The following AGO3 variants were observed in gnomAD, a reference collection of about 807,000 sequenced individuals.
AGO3 encodes the protein argonaute RISC catalytic component 3, also known as protein argonaute-3.
In AGO3, 16 loss-of-function variants were observed where a neutral mutation model predicts 105.5. That is an observed-to-expected ratio of 0.15 (90% CI 0.10 to 0.23). The LOEUF (loss-of-function observed/expected upper bound fraction) is 0.23. AGO3 is among the 10% of genes least tolerant of loss of function. AGO3 has a pLI of 1.00. For synonymous variants in AGO3, 340 were observed against 367.3 expected, an observed-to-expected ratio of 0.93 and a Z score of 0.85; for missense variants, 534 against 1,088.0, an observed-to-expected ratio of 0.49 and a Z score of 7.16.
chr1:35,993,795 T>C (rs1019563836), intron 5 of AGO3, among the ~76,000 whole-genome samples: 5 of 133,020 alleles, frequency 3.8e-5, no homozygotes, highest in Non-Finnish European at 3.1e-5. Flanking sequence ...TCGCCCAGGC[T>C]GGAGTGCAAT....
chr1:36,013,818 T>C, intron 10 of AGO3, 66 bp downstream of exon 10: 1 of 1,601,612 alleles, frequency 6.2e-7, no homozygotes, highest in Non-Finnish European at 8.5e-7. Flanking sequence ...GAAAGGCATA[T>C]CAGAAATATT....
At chr1:36,021,454 T>C (rs1248707985) in intron 11 of AGO3, among the ~76,000 whole-genome samples, 1 of 152,108 alleles carries the variant, frequency 6.6e-6, no homozygotes, top group East Asian at 1.9e-4. Context: ...TTCATAATCT[T>C]ATACAATTTT....
intron 2 of AGO3, among the ~76,000 whole-genome samples, chr1:35,952,504 A>T (rs546759260): frequency 6.6e-5 from 10 of 152,292 alleles, no homozygotes; most frequent in African/African-American, 2.4e-4. Flanking sequence ...TTCTTTTTGC[A>T]TAATGATTTC....
At chr1:35,934,795 C>T (rs758269539) in intron 1 of AGO3, among the ~76,000 whole-genome samples, 19 of 152,012 alleles carry the variant, frequency 1.2e-4, no homozygotes, top group Non-Finnish European at 2.1e-4. Flanking sequence ...GGATTACAGG[C>T]GCGCACCACC....
At chr1:35,995,207 A>AT (rs1224450213) in intron 5 of AGO3, among the ~76,000 whole-genome samples, 103 of 106,436 alleles carry the variant, frequency 9.7e-4, no homozygotes, top group Admixed American at 1.6e-3. Context: ...TCTAAAAAAA[A>AT]AAATATATAT....
At chr1:36,022,729 C>A (rs1200418273) in intron 11 of AGO3, among the ~76,000 whole-genome samples, 1 of 151,876 alleles carries the variant, frequency 6.6e-6, no homozygotes, top group Non-Finnish European at 1.5e-5. Context: ...GTCAGGAGTT[C>A]GAGACCAGCC....
chr1:35,959,535 A>C (rs1646636109), intron 2 of AGO3, among the ~76,000 whole-genome samples: 1 of 152,168 alleles, frequency 6.6e-6, no homozygotes, highest in African/African-American at 2.4e-5. Context: ...TACTTTCCCA[A>C]GCACTGTTTT....
At chr1:35,977,273 AG>A (rs1436521348) in intron 5 of AGO3, among the ~76,000 whole-genome samples, 8 of 150,360 alleles carry the variant, frequency 5.3e-5, no homozygotes, top group Non-Finnish European at 7.4e-5. Context: ...TAAAAAAAAA[AG>A]TCTGTTCAGG....
chr1:36,030,598 A>G (rs1226281815), intron 12 of AGO3, among the ~76,000 whole-genome samples: 1 of 152,120 alleles, frequency 6.6e-6, no homozygotes, highest in Admixed American at 6.6e-5. Context: ...ATATTATAAT[A>G]CCTAGTGCTT....
intron 17 of AGO3, among the ~76,000 whole-genome samples, chr1:36,047,353 T>C (rs1363012992): frequency 6.8e-6 from 1 of 146,162 alleles, no homozygotes; most frequent in Non-Finnish European, 1.5e-5. Flanking sequence ...CAATGGAAAA[T>C]ACAAAATATA....
At chr1:35,962,579 GT>G (rs1421350428) in intron 2 of AGO3, among the ~76,000 whole-genome samples, 2 of 151,160 alleles carry the variant, frequency 1.3e-5, no homozygotes, top group Non-Finnish European at 2.9e-5. Flanking sequence ...AAAACATCTT[GT>G]ACTGGCACAA....
chr1:36,010,917 AAG>A (rs1181265369), intron 9 of AGO3, among the ~76,000 whole-genome samples: 28 of 150,314 alleles, frequency 1.9e-4, no homozygotes, highest in African/African-American at 5.1e-4. Context: ...AAAAAAAAAA[AAG>A]AGAGAGAGAG....
intron 2 of AGO3, among the ~76,000 whole-genome samples, chr1:35,958,110 T>C (rs1024136912): frequency 2.0e-5 from 3 of 148,332 alleles, no homozygotes; most frequent in Non-Finnish European, 3.0e-5. Context: ...TGGCCAGGCG[T>C]GGTGGCTCAC....
rs182350523 is a variant in AGO3 at position 36,051,784 on chromosome 1, G to A, written c.2275-3162G>A. ...TAATAATAATTTGATTTTAAAATAG[G>A]CAAATGTCTCAAGAGAGTAATTGAG... On this transcript the variant is annotated intron_variant, in intron 17 of 18. Coordinates refer to ENST00000373191, the MANE Select transcript of AGO3 (RefSeq NM_024852.4). Among the ~76,000 whole-genome samples, 5 of 152,170 alleles carry A rather than the reference G, an allele frequency of 3.3e-5. No homozygotes were observed. In the East Asian group the frequency reaches 9.6e-4, roughly 29 times the overall value.
intron 6 of AGO3, among the ~76,000 whole-genome samples, chr1:36,007,042 C>T (rs1640368136): frequency 6.6e-6 from 1 of 152,162 alleles, no homozygotes; most frequent in African/African-American, 2.4e-5. Flanking sequence ...CTCTGCATTA[C>T]AGGATATTTC....
chr1:36,031,466 C>G (rs1056804244), intron 12 of AGO3, among the ~76,000 whole-genome samples: 5 of 132,094 alleles, frequency 3.8e-5, no homozygotes, highest in African/African-American at 1.0e-4. Context: ...TTGAGAAACT[C>G]TTTATTTCTC....
At chr1:36,025,804 G>A (rs1432348050) in intron 11 of AGO3, among the ~76,000 whole-genome samples, 5 of 152,118 alleles carry the variant, frequency 3.3e-5, no homozygotes, top group East Asian at 1.9e-4. Flanking sequence ...TTGGGAGGCC[G>A]AGGTGGGTGG....
intron 2 of AGO3, among the ~76,000 whole-genome samples, chr1:35,958,683 A>T (rs1322508952): frequency 6.6e-6 from 1 of 152,088 alleles, no homozygotes; most frequent in Non-Finnish European, 1.5e-5. Context: ...GATCTAAAAT[A>T]TAATCCCTCT....
At chr1:35,984,238 G>A (rs982018994) in intron 5 of AGO3, among the ~76,000 whole-genome samples, 1 of 152,186 alleles carries the variant, frequency 6.6e-6, no homozygotes, top group Non-Finnish European at 1.5e-5. Flanking sequence ...GGAGGCTAAG[G>A]CAGGAGGATA....
Sources: gnomAD v4.1 joint callset for allele counts (sites outside exome capture counted in the v4.1 genomes callset) on GRCh38, gnomAD v4.1.1 for gene constraint, MANE v1.5 for transcripts, NCBI Gene and HGNC (gene_info 2026-07-23, HGNC 2026-07-21) for gene names.